HTT: variants seen among roughly 807,000 people sequenced by gnomAD.
The protein encoded by HTT is huntington disease protein.
A neutral mutation model predicts 362.3 loss-of-function variants in HTT; 104 were observed. The ratio of observed to expected loss-of-function variants is 0.29; its 90% CI spans 0.24 to 0.34. The LOEUF is 0.34. HTT is among the 10% of genes least tolerant of loss of function. The pLI is 1.00. For missense variants in HTT, 3,301 were observed against 3,928.6 expected, an observed-to-expected ratio of 0.84 and a Z score of 4.27; for synonymous variants, 1,577 against 1,548.7, an observed-to-expected ratio of 1.02 and a Z score of -0.43.
chr4:3,186,994 G>T (rs1718794285), intron 38 of HTT, among the ~76,000 whole-genome samples: 2 of 151,670 alleles, frequency 1.3e-5, no homozygotes, highest in Admixed American at 6.6e-5. Flanking sequence ...GAGTTGCTGG[G>T]ACTACAAGCG....
intron 26 of HTT, among the ~76,000 whole-genome samples, chr4:3,148,794 T>A (rs1716738936): frequency 6.6e-6 from 1 of 150,564 alleles, no homozygotes; most frequent in African/African-American, 2.4e-5. Flanking sequence ...CGAGACTCCG[T>A]CTCAAAAAAA....
rs143819165 is a variant in HTT, at chr4:3,235,056, G to A, written c.8457-228G>A. Among the ~76,000 whole-genome samples, 155 of 152,288 alleles carry A rather than the reference G, an allele frequency of 1.0e-3. 3 individuals are homozygous for A. The South Asian group carries it at 0.024, about 23-fold the overall frequency. On this transcript the variant is annotated intron_variant, in intron 61 of 66. Transcript: ENST00000355072. Reference sequence around the variant, plus strand: ...AGGGGAGGCTGAGTTAGGCCGAGAGGGCAGGGCGTTGGGGAGGTAGACGGG... The same window carrying A: ...AGGGGAGGCTGAGTTAGGCCGAGAGAGCAGGGCGTTGGGGAGGTAGACGGG...
chr4:3,173,720 G>A (rs1395594615), intron 31 of HTT, among the ~76,000 whole-genome samples: 1 of 151,136 alleles, frequency 6.6e-6, no homozygotes, highest in African/African-American at 2.4e-5. Flanking sequence ...CCAGGCTGGA[G>A]TGCAGTGGTG....
chr4:3,087,131 C>A, intron 2 of HTT, 109 bp downstream of exon 2: 1 of 592,552 alleles, frequency 1.7e-6, no homozygotes, highest in Non-Finnish European at 3.0e-6. Flanking sequence ...ATTCAGAAAT[C>A]CATTTAAGAT....
intron 1 of HTT, among the ~76,000 whole-genome samples, chr4:3,078,502 C>A (rs1296211230): frequency 6.6e-6 from 1 of 152,198 alleles, no homozygotes; most frequent in Non-Finnish European, 1.5e-5. Flanking sequence ...CAGCAAAACC[C>A]AGAAAGCCTG....
intron 53 of HTT, among the ~76,000 whole-genome samples, chr4:3,221,374 C>T (rs1009741203): frequency 3.9e-5 from 6 of 152,224 alleles, no homozygotes; most frequent in African/African-American, 1.2e-4. Context: ...TTGCCTAACA[C>T]GAGCACCTTT....
chr4:3,128,385 C>A (rs949989134), intron 12 of HTT: 3 of 152,142 alleles, frequency 2.0e-5, no homozygotes, highest in Non-Finnish European at 4.4e-5. Flanking sequence ...AAGGAAACAA[C>A]TTAGTGTCTT....
At chr4:3,079,830 ATG>A in intron 1 of HTT, among the ~76,000 whole-genome samples, 1 of 152,336 alleles carries the variant, frequency 6.6e-6, no homozygotes, top group East Asian at 1.9e-4. Flanking sequence ...TCAGATAAGC[ATG>A]GTGGGTTCTG....
At chr4:3,214,908 A>G (rs1043778587) in intron 50 of HTT, among the ~76,000 whole-genome samples, 1 of 152,226 alleles carries the variant, frequency 6.6e-6, no homozygotes, top group African/African-American at 2.4e-5. Flanking sequence ...CTGAAGTTCA[A>G]ATCTTCAGAC....
At chr4:3,096,876 T>C (rs562652938) in intron 2 of HTT, among the ~76,000 whole-genome samples, 57 of 152,322 alleles carry the variant, frequency 3.7e-4, no homozygotes, top group African/African-American at 1.1e-3. Context: ...TCTGCCACTT[T>C]GGGAGGCCGA....
chr4:3,142,628 A>C (rs1716403079), intron 22 of HTT, 138 bp from the exon 23 acceptor site: 1 of 498,692 alleles, frequency 2.0e-6, no homozygotes, highest in African/African-American at 1.9e-5. Context: ...ATCAAAATTT[A>C]TTTTCAGCCC....
At position 3,180,506 on chromosome 4, in the gene HTT, T is replaced by G; in HGVS notation, c.4613-9T>G. On this transcript the variant is annotated splice_polypyrimidine_tract_variant and intron_variant, in intron 35 of 66. Coordinates refer to ENST00000355072, the MANE Select transcript of HTT (RefSeq NM_001388492.1). ...AATGCCTGATAAGGGTACCCTTTTG[T>G]CCCCACAGCCATACCGGCTCTGCAG... The G allele has an allele frequency of 6.3e-7, 1 of 1,581,690 alleles. No homozygotes were observed. Among genetic ancestry groups the G allele is most frequent in the Non-Finnish European group, 8.6e-7 (1 of 1,165,676 alleles).
chr4:3,220,424 A>G (rs1720619104), intron 53 of HTT, 116 bp downstream of exon 53: 3 of 1,078,124 alleles, frequency 2.8e-6, no homozygotes, highest in Non-Finnish European at 4.1e-6. Flanking sequence ...TAAGCATGAT[A>G]ATAATACAAA....
chr4:3,235,680 C>G lies in HTT; in HGVS notation c.8687C>G (p.Ala2896Gly). ...TCTGAGCAGCTCTCCCGCCTGGATG[C>G]AGAATCGCTGGTCAAGCTGAGTGTG... is the stretch of plus-strand genomic sequence containing the variant. ...LLSEQLSRLD[A>G]ESLVKLSVDR... Residue 2896 changes from alanine to glycine, a missense_variant, in exon 63 of 67, where the codon GCA becomes GGA. Transcript: ENST00000355072. 1.2e-6 allele frequency: 2 copies of G among 1,613,620 alleles called. No homozygotes were observed. Among genetic ancestry groups the G allele is most frequent in the Non-Finnish European group, 1.7e-6 (2 of 1,180,012 alleles).
chr4:3,178,439 G>A lies in HTT; in HGVS notation c.4605G>A (p.Val1535=). The change falls in exon 35 of 67, where the codon GTG becomes GTA. Residue 1535 remains valine, a synonymous_variant. Transcript: ENST00000355072. ...DGIMASGRKA[V]THAIPALQPI... is the part of the protein sequence containing the mutation. Reference sequence around the variant, plus strand: ...TCATGGCCAGTGGAAGGAAGGCTGTGACACATGGTAACGGGACACACCTTT... The same window carrying A: ...TCATGGCCAGTGGAAGGAAGGCTGTAACACATGGTAACGGGACACACCTTT... 6.2e-7 allele frequency: 1 copy of A among 1,613,746 alleles called. No homozygotes were observed. Among genetic ancestry groups the A allele is most frequent in the African/African-American group, 1.3e-5 (1 of 75,010 alleles).
At chr4:3,194,013 G>A (rs552935688) in intron 40 of HTT, among the ~76,000 whole-genome samples, 1 of 152,304 alleles carries the variant, frequency 6.6e-6, no homozygotes, top group South Asian at 2.1e-4. Context: ...CTAGGTGGCA[G>A]AATTACTGTA....
chr4:3,132,614 G>A lies in HTT; in HGVS notation c.2289G>A (p.Gln763=). The A allele has an allele frequency of 6.2e-7, 1 of 1,613,974 alleles. No individual in the cohort carries two copies. Among genetic ancestry groups the A allele is most frequent in the African/African-American group, 1.3e-5 (1 of 75,034 alleles). Residue 763 remains glutamine (Q), a synonymous_variant, in exon 17 of 67, where the codon CAG becomes CAA. Transcript: ENST00000355072. ...ACTACATCGATCATGGAGACCCACA[G>A]GTTCGAGGAGCCACTGCCATTCTCT... ...ILNYIDHGDP[Q]VRGATAILCG...
rs760097851 is a variant in HTT, at chr4:3,074,905, AGC to A, written c.81_82del (p.Gln28AlafsTer54). ...CAGCAGCAGCAGCAGCAGCAGCAGCAGCAGCAGCAGCAGCAGCAGCAGCAGCA... is the reference window on the plus strand; with the variant it reads ...CAGCAGCAGCAGCAGCAGCAGCAGCAAGCAGCAGCAGCAGCAGCAGCAGCA... On this transcript the variant is annotated frameshift_variant, in exon 1 of 67. Coordinates refer to ENST00000355072, the MANE Select transcript of HTT (RefSeq NM_001388492.1). LOFTEE classifies it high-confidence loss of function. 227 of 1,499,316 alleles carry A rather than the reference AGC, an allele frequency of 1.5e-4. 1 individual carries two copies. In the East Asian group the frequency reaches 3.1e-3, roughly 20 times the overall value. 92.9% of individuals were successfully genotyped at this position (1,499,316 alleles called of 1,614,324 possible).
intron 8 of HTT, 118 bp downstream of exon 8, chr4:3,116,381 G>A (rs1244964838): frequency 8.3e-6 from 7 of 843,324 alleles, no homozygotes; most frequent in South Asian, 1.7e-5. Context: ...CTGGAGCTGC[G>A]CTGCTCGTTT....
Sources: gnomAD v4.1 joint callset for allele counts (sites outside exome capture counted in the v4.1 genomes callset) on GRCh38, gnomAD v4.1.1 for gene constraint, MANE v1.5 for transcripts, NCBI Gene and HGNC (gene_info 2026-07-23, HGNC 2026-07-21) for gene names.